The following RLF variants were observed in gnomAD, a reference collection of about 807,000 sequenced individuals.
RLF encodes RLF zinc finger, also known as zinc finger protein Rlf.
Under a neutral mutation model 162.9 loss-of-function variants are expected in RLF, and 7 were observed. The observed-to-expected ratio is 0.04, with a 90% CI of 0.02 to 0.08. RLF has a LOEUF of 0.08. Ranked by LOEUF, RLF falls within the 10% of genes least tolerant of loss-of-function variation. The pLI is 1.00. For missense variants in RLF, 1,664 were observed against 2,244.7 expected (o/e 0.74, Z 5.23); for synonymous variants, 782 against 791.5 (o/e 0.99, Z 0.20).
chr1:40,213,916 G>A (rs575070855), intron 5 of RLF, among the ~76,000 whole-genome samples: 15 of 152,284 alleles, frequency 9.9e-5, no homozygotes, highest in African/African-American at 3.6e-4. Context: ...TAAGTATGCT[G>A]CCTGTACCCA....
rs1486057357 is a variant in RLF, at chr1:40,238,789, G to A, written c.4087G>A (p.Ala1363Thr). ...RELVKCKKIF[A>T]CKYKECNKRF... ...ACTTGTCAAATGTAAAAAGATATTT[G>A]CTTGCAAATATAAGGAATGTAATAA... The change falls in exon 8 of 8, where the codon GCT becomes ACT. Residue 1363 changes from alanine to threonine, a missense_variant. Transcript: ENST00000372771. The surrounding 1 kb of genome is among the most constrained non-coding windows in gnomAD (Gnocchi z 5.2). The A allele has an allele frequency of 6.2e-7, 1 of 1,612,712 alleles. No homozygotes were observed.
Position 40,190,860 on chromosome 1 carries a change from T to C in RLF, c.474+7T>C. On this transcript the variant is annotated splice_region_variant and intron_variant, in intron 3 of 7. Transcript: ENST00000372771. ...ATTCCTTCAGTCTCTACAGGTGAGT[T>C]GATTTTAACTCAGAAAAGTTTTCTG... 1 of 1,595,472 alleles carries C rather than the reference T, an allele frequency of 6.3e-7. No individual in the cohort carries two copies. The highest frequency in any genetic ancestry group is 8.6e-7 in the Non-Finnish European group (1 of 1,168,412).
Position 40,239,574 on chromosome 1 carries a change from ACAC to A in RLF, c.4873_4875del (p.His1625del). 1 of 1,614,168 alleles carries A rather than the reference ACAC, an allele frequency of 6.2e-7. No individual in the cohort carries two copies. The highest frequency in any genetic ancestry group is 8.5e-7 in the Non-Finnish European group (1 of 1,180,034). ...GAAGCTGTGAATCAGAGCGCACAGAACACAGCCATTCCCCGGGTGACAGTAGTG... is the reference window on the plus strand; with the variant it reads ...GAAGCTGTGAATCAGAGCGCACAGAAAGCCATTCCCCGGGTGACAGTAGTG... On this transcript the variant is annotated inframe_deletion, in exon 8 of 8. Coordinates refer to ENST00000372771, the MANE Select transcript of RLF (RefSeq NM_012421.4).
chr1:40,201,218 C>T (rs891559411), intron 4 of RLF, among the ~76,000 whole-genome samples: 1 of 151,576 alleles, frequency 6.6e-6, no homozygotes, highest in Admixed American at 6.6e-5. Flanking sequence ...AGATTAACCA[C>T]CTAAAGCAGT....
chr1:40,227,598 C>T (rs1643094760), intron 6 of RLF, among the ~76,000 whole-genome samples: 1 of 152,150 alleles, frequency 6.6e-6, no homozygotes, highest in African/African-American at 2.4e-5. Context: ...TTACAAAATA[C>T]ACCATAAAAT....
intron 1 of RLF, among the ~76,000 whole-genome samples, chr1:40,173,998 A>T (rs145676788): frequency 6.6e-6 from 1 of 152,222 alleles, no homozygotes; most frequent in African/African-American, 2.4e-5. Context: ...CTTATAATCA[A>T]TTCTTCTAAA....
At chr1:40,231,258 A>G (rs1258440844) in intron 6 of RLF, among the ~76,000 whole-genome samples, 1 of 152,178 alleles carries the variant, frequency 6.6e-6, no homozygotes, top group Non-Finnish European at 1.5e-5. Flanking sequence ...AGTTTTTTTT[A>G]AATGCCACTG....
At chr1:40,181,285 C>A (rs1642401709) in intron 1 of RLF, among the ~76,000 whole-genome samples, 1 of 152,100 alleles carries the variant, frequency 6.6e-6, no homozygotes, top group Non-Finnish European at 1.5e-5. Context: ...CAAAAATTAG[C>A]CAGGTGTGGT....
chr1:40,195,777 A>T lies in RLF; in HGVS notation c.607+13A>T. 1.2e-6 allele frequency: 2 copies of T among 1,605,120 alleles called. No individual in the cohort carries two copies. Among genetic ancestry groups the T allele is most frequent in the Non-Finnish European group, 1.7e-6 (2 of 1,176,718 alleles). On this transcript the variant is annotated intron_variant, in intron 4 of 7. Transcript: ENST00000372771. ...GAAACGGAGGAAGGTAAGTCTTAAG[A>T]CTATATTGGATGAGGATTTAGTTCT...
chr1:40,198,860 A>T (rs866563216), intron 4 of RLF, among the ~76,000 whole-genome samples: 1 of 152,234 alleles, frequency 6.6e-6, no homozygotes, highest in Admixed American at 6.5e-5. Context: ...TATTGTTTTA[A>T]ATATTGAAGC....
intron 5 of RLF, among the ~76,000 whole-genome samples, chr1:40,206,829 AGATAATTT>A (rs1438932191): frequency 2.0e-5 from 3 of 152,186 alleles, no homozygotes; most frequent in Admixed American, 6.5e-5. Context: ...GCCTTCCACA[AGATAATTT>A]GAATGGCTTA....
At chr1:40,227,555 A>G (rs1643092987) in intron 6 of RLF, among the ~76,000 whole-genome samples, 1 of 152,182 alleles carries the variant, frequency 6.6e-6, no homozygotes, top group South Asian at 2.1e-4. Context: ...GTGGGTAATC[A>G]TTTTACATCA....
intron 5 of RLF, among the ~76,000 whole-genome samples, chr1:40,214,614 A>G (rs1642900295): frequency 6.6e-6 from 1 of 152,138 alleles, no homozygotes; most frequent in South Asian, 2.1e-4. Context: ...GAACTAAAGG[A>G]AACATGCTTA....
intron 4 of RLF, among the ~76,000 whole-genome samples, chr1:40,200,287 G>A (rs1252155286): frequency 1.3e-5 from 2 of 152,200 alleles, no homozygotes; most frequent in Non-Finnish European, 2.9e-5. Context: ...TTTTTGGAGA[G>A]CAGTTTGGCA....
chr1:40,189,368 T>C (rs1486216399), intron 2 of RLF, among the ~76,000 whole-genome samples, 159 bp downstream of exon 2: 2 of 152,168 alleles, frequency 1.3e-5, no homozygotes, highest in Admixed American at 6.5e-5. Context: ...CCAGGAGATA[T>C]AGTCCAAGTG....
At chr1:40,218,725 T>C (rs1030701835) in intron 5 of RLF, among the ~76,000 whole-genome samples, 4 of 152,204 alleles carry the variant, frequency 2.6e-5, no homozygotes, top group Non-Finnish European at 5.9e-5. Flanking sequence ...GTCCCATTTA[T>C]TCTTCATGTT....
chr1:40,172,941 A>G (rs1642265235), intron 1 of RLF, among the ~76,000 whole-genome samples: 1 of 152,208 alleles, frequency 6.6e-6, no homozygotes, highest in African/African-American at 2.4e-5. Context: ...TACTTCCGCC[A>G]ATAGTGTTTG....
rs76035508 is a variant in RLF at position 40,193,127 on chromosome 1, C to CAAAA, written c.474+2290_474+2293dup. ...GAAAAGGGCGGCAGAGTGGTCTTAG[C>CAAAA]AAAAAAAAAAAAAAAAAAAGAGCAT... On this transcript the variant is annotated intron_variant, in intron 3 of 7. Coordinates refer to ENST00000372771, the MANE Select transcript of RLF (RefSeq NM_012421.4). 1.8e-4 allele frequency among the ~76,000 whole-genome samples: 12 copies of CAAAA among 65,126 alleles called. 1 individual carries two copies. Among genetic ancestry groups the CAAAA allele is most frequent in the Admixed American group, 7.5e-4 (4 of 5,364 alleles). 42.7% of individuals were successfully genotyped at this position (65,126 alleles called of 152,430 possible).
Position 40,240,813 on chromosome 1 carries a change from TCTTA to T in RLF, c.*370_*373del. Reference sequence around the variant, plus strand: ...AGGGCTAGGGAAAGGGATATGGAGTTCTTACTTGACTTGAATGTGCACCTGAGGG... The same window carrying T: ...AGGGCTAGGGAAAGGGATATGGAGTTCTTGACTTGAATGTGCACCTGAGGG... On this transcript the variant is annotated 3_prime_UTR_variant, in exon 8 of 8. Transcript: ENST00000372771. The T allele has an allele frequency of 5.1e-6, 1 of 197,568 alleles. No homozygotes were observed. Among genetic ancestry groups the T allele is most frequent in the Non-Finnish European group, 1.0e-5 (1 of 96,056 alleles). 12.2% of individuals were successfully genotyped at this position (197,568 alleles called of 1,614,324 possible).
Sources: allele counts gnomAD v4.1 joint callset (sites outside exome capture counted in the v4.1 genomes callset), GRCh38; gene constraint gnomAD v4.1.1; non-coding constraint Gnocchi (gnomAD v3.1); transcripts MANE v1.5; gene names NCBI Gene and HGNC (gene_info 2026-07-23, HGNC 2026-07-21).